PTPRS: variants seen among roughly 807,000 people sequenced by gnomAD.
PTPRS encodes protein tyrosine phosphatase receptor type S.
PTPRS carries 63 observed loss-of-function variants against 215.3 expected under a neutral mutation model. The observed-to-expected ratio is 0.29, with a 90% CI of 0.24 to 0.36. PTPRS has a LOEUF of 0.36. Ranked by LOEUF, PTPRS falls within the 10% of genes least tolerant of loss-of-function variation. PTPRS has a pLI of 1.00. For synonymous variants in PTPRS, 1,404 were observed against 1,191.4 expected, an observed-to-expected ratio of 1.18 and a Z score of -3.68; for missense variants, 2,258 against 2,825.8, an observed-to-expected ratio of 0.80 and a Z score of 4.56.
In PTPRS at chr19:5,219,960, G is replaced by C. The variant is rs140007234; in HGVS notation, c.3744C>G (p.Ala1248=). 6 of 1,613,694 alleles carry C rather than the reference G, an allele frequency of 3.7e-6. No homozygotes were observed. The South Asian group carries it at 5.5e-5, about 15-fold the overall frequency. ...PGHRYVLFVL[A]VLQKSEPTFA... ...TTACAGGCTCGCTCTTCTGAAGCACGGCAAGCACGAAGAGGACATAGCGGT... is the reference window on the plus strand; with the variant it reads ...TTACAGGCTCGCTCTTCTGAAGCACCGCAAGCACGAAGAGGACATAGCGGT... Residue 1248 remains alanine, a synonymous_variant, in exon 22 of 38, where the codon GCC becomes GCG. Transcript: ENST00000262963.
intron 26 of PTPRS, 125 bp from the exon 27 acceptor site, chr19:5,215,720 G>T: frequency 1.4e-6 from 1 of 704,592 alleles, no homozygotes; most frequent in Non-Finnish European, 2.3e-6. Flanking sequence ...GCATGGCCGG[G>T]GTGGGGCTTG....
In PTPRS at chr19:5,258,010, T is replaced by C; in HGVS notation, c.706+7A>G. ...CCTGCCTTTGACCTGGACGCGGCGTTCCCTACCTCGCACGTAGAGGTTGGC... is the reference window on the plus strand; with the variant it reads ...CCTGCCTTTGACCTGGACGCGGCGTCCCCTACCTCGCACGTAGAGGTTGGC... On this transcript the variant is annotated splice_region_variant and intron_variant, in intron 8 of 37. Transcript: ENST00000262963. 6.2e-7 allele frequency: 1 copy of C among 1,612,310 alleles called. No individual in the cohort carries two copies. The highest frequency in any genetic ancestry group is 1.7e-4 in the Middle Eastern group (1 of 6,042).
Position 5,337,092 on chromosome 19 carries a change from A to G in PTPRS, c.-95+3572T>C, listed in dbSNP as rs200288846. Among the ~76,000 whole-genome samples the G allele has an allele frequency of 1.8e-4, 27 of 152,248 alleles. No individual in the cohort carries two copies. The East Asian group carries it at 4.4e-3, about 25-fold the overall frequency. On this transcript the variant is annotated intron_variant, in intron 1 of 37. Coordinates refer to ENST00000262963, the MANE Select transcript of PTPRS (RefSeq NM_002850.4). The stretch of plus-strand genomic sequence containing the variant: ...TCAGCACTGCGCCCGCCAAACCTAA[A>G]GCTCATCTCAAGATCTTCCCGTGGC...
chr19:5,258,213 GCC>G, intron 7 of PTPRS, 86 bp from the exon 8 acceptor site: 3 of 1,148,562 alleles, frequency 2.6e-6, no homozygotes, highest in Non-Finnish European at 3.9e-6. Context: ...GTGCTCTCTG[GCC>G]TGTCTCCTGT....
At chr19:5,225,673 T>A (rs1476200403) in intron 17 of PTPRS, 54 bp downstream of exon 17, 2 of 1,447,282 alleles carry the variant, frequency 1.4e-6, no homozygotes, top group Non-Finnish European at 1.9e-6. Flanking sequence ...CACGCTCTGG[T>A]GCCAGTGGGG....
In PTPRS at chr19:5,293,489, C is replaced by T. The variant is rs1419514534; in HGVS notation, c.-94-7255G>A. On this transcript the variant is annotated intron_variant, in intron 1 of 37. Coordinates refer to ENST00000262963, the MANE Select transcript of PTPRS (RefSeq NM_002850.4). This position sits in a 1 kb window ranked among gnomAD's most constrained non-coding sequence, Gnocchi z 8.4. ...GAGCGAAGGGGCGCCCCAGGGAGGG[C>T]ACGACCCAAGACCCCTCCCTCCCGA... Among the ~76,000 whole-genome samples the T allele has an allele frequency of 6.6e-6, 1 of 152,088 alleles. No homozygotes were observed. The highest frequency in any genetic ancestry group is 1.5e-5 in the Non-Finnish European group (1 of 67,990).
At chr19:5,267,411 C>G (rs2046487777) in intron 4 of PTPRS, among the ~76,000 whole-genome samples, 1 of 152,118 alleles carries the variant, frequency 6.6e-6, no homozygotes, top group Non-Finnish European at 1.5e-5. Context: ...AATCCCAGCA[C>G]TTTGGGAGGA....
At chr19:5,265,557 G>T (rs1233685117) in intron 4 of PTPRS, among the ~76,000 whole-genome samples, 1 of 152,088 alleles carries the variant, frequency 6.6e-6, no homozygotes, top group East Asian at 1.9e-4. Flanking sequence ...GTCCAGGCGG[G>T]TCTCAAACTC....
intron 1 of PTPRS, among the ~76,000 whole-genome samples, chr19:5,331,470 G>A (rs1338530593): frequency 1.3e-5 from 2 of 152,150 alleles, no homozygotes; most frequent in Non-Finnish European, 2.9e-5. Flanking sequence ...GTGTACATGA[G>A]GGTGGGGTCA....
chr19:5,303,087 CAAAAA>C (rs1323636552), intron 1 of PTPRS, among the ~76,000 whole-genome samples: 1 of 151,566 alleles, frequency 6.6e-6, no homozygotes, highest in Non-Finnish European at 1.5e-5. Context: ...AAAACAAAAA[CAAAAA>C]AAGACAACAA....
At chr19:5,297,791 C>CTTTTTTTT (rs373472522) in intron 1 of PTPRS, among the ~76,000 whole-genome samples, 1 of 131,370 alleles carries the variant, frequency 7.6e-6, no homozygotes, top group Non-Finnish European at 1.6e-5. Flanking sequence ...CTTTTCTTTT[C>CTTTTTTTT]TTTTTTTTTT....
intron 11 of PTPRS, among the ~76,000 whole-genome samples, chr19:5,240,884 C>T (rs1409106417): frequency 7.5e-6 from 1 of 133,660 alleles, no homozygotes; most frequent in Non-Finnish European, 1.6e-5. Flanking sequence ...ATAAAAATCC[C>T]CTTCATTTTT....
rs1331198067 is a variant in PTPRS, at chr19:5,293,101, C to T, written c.-94-6867G>A. The T allele has an allele frequency of 6.6e-6, 1 of 151,760 alleles. No individual in the cohort carries two copies. The highest frequency in any genetic ancestry group is 2.4e-5 in the African/African-American group (1 of 41,352). 9.4% of individuals were successfully genotyped at this position (151,760 alleles called of 1,614,324 possible). ...ACAAGAGAGACAAAGCCCGGGGCGG[C>T]CCGGGCCTCGGGGTGGAAGGGGGTC... On this transcript the variant is annotated intron_variant, in intron 1 of 37. Coordinates refer to ENST00000262963, the MANE Select transcript of PTPRS (RefSeq NM_002850.4). This position sits in a 1 kb window ranked among gnomAD's most constrained non-coding sequence, Gnocchi z 8.4.
chr19:5,317,290 G>A (rs2049903341), intron 1 of PTPRS, among the ~76,000 whole-genome samples: 1 of 152,132 alleles, frequency 6.6e-6, no homozygotes, highest in Non-Finnish European at 1.5e-5. Context: ...CGGCCAACAT[G>A]GGGAAACCCC....
In PTPRS at chr19:5,211,956, C is replaced by T. The variant is rs35175880; in HGVS notation, c.5055+9G>A. 0.079 allele frequency: 125,036 copies of T among 1,584,062 alleles called. 7,534 individuals carry two copies. Among genetic ancestry groups the T allele is most frequent in the African/African-American group, 0.32 (23,803 of 74,244 alleles). On this transcript the variant is annotated intron_variant, in intron 32 of 37. Transcript: ENST00000262963. ...ACCCCGCCCACAGCAGCCTCCACCC[C>T]GCTGGCACCTTGAACTCGAGTTCCA...
rs141595909 is a variant in PTPRS at position 5,291,918 on chromosome 19, C to G, written c.-94-5684G>C. ...TCCCTTGACACCTTGATCCCCCCCA[C>G]TTGTGGCCCCTGGCTCCCACAGGGG... On this transcript the variant is annotated intron_variant, in intron 1 of 37. Transcript: ENST00000262963. Among the ~76,000 whole-genome samples the G allele has an allele frequency of 1.7e-3, 257 of 152,066 alleles. 1 individual carries two copies. Among genetic ancestry groups the G allele is most frequent in the African/African-American group, 5.9e-3 (246 of 41,476 alleles).
At chr19:5,274,070 C>T (rs1049923622) in intron 3 of PTPRS, 129 bp downstream of exon 3, 7 of 1,324,064 alleles carry the variant, frequency 5.3e-6, no homozygotes, top group Non-Finnish European at 7.2e-6. Context: ...GCTGCGCAGC[C>T]ATGCTTGCTT....
At chr19:5,219,277 G>A (rs1476060515) in intron 23 of PTPRS, 33 bp downstream of exon 23, 1 of 1,611,914 alleles carries the variant, frequency 6.2e-7, no homozygotes, top group South Asian at 1.1e-5. Context: ...CCTCCCTGCT[G>A]TCAAGTCAAG....
intron 9 of PTPRS, among the ~76,000 whole-genome samples, chr19:5,247,177 GAAT>G (rs888400732): frequency 1.0e-4 from 15 of 149,592 alleles, no homozygotes; most frequent in African/African-American, 2.5e-4. Context: ...AGCCCTGGCA[GAAT>G]AATAAATAGT....
Sources: gnomAD v4.1 joint callset for allele counts (sites outside exome capture counted in the v4.1 genomes callset) on GRCh38, gnomAD v4.1.1 for gene constraint, Gnocchi (gnomAD v3.1) non-coding constraint, MANE v1.5 for transcripts, NCBI Gene and HGNC (gene_info 2026-07-23, HGNC 2026-07-21) for gene names.